Variants in IL1RAPL1 observed in about 807,000 individuals in gnomAD.
The protein encoded by IL1RAPL1 is interleukin 1 receptor accessory protein like 1.
IL1RAPL1 carries 3 observed loss-of-function variants against 48.4 expected under a neutral mutation model. The ratio of observed to expected loss-of-function variants is 0.06; its 90% CI spans 0.03 to 0.16. The LOEUF (loss-of-function observed/expected upper bound fraction) is 0.16, where lower values mean the gene tolerates loss of function less well. Ranked by LOEUF, IL1RAPL1 falls within the 10% of genes least tolerant of loss-of-function variation. The pLI, the probability that IL1RAPL1 is intolerant of heterozygous loss-of-function variation, is 1.00. For synonymous variants in IL1RAPL1, 185 were observed against 187.7 expected (o/e 0.99, Z 0.12); for missense variants, 349 against 530.6 (o/e 0.66, Z 3.36).
chrX:29,250,835 A>G (rs1931592722), intron 2 of IL1RAPL1, among the ~76,000 whole-genome samples: 2 of 111,672 alleles, frequency 1.8e-5, no homozygotes, highest in African/African-American at 6.5e-5. Flanking sequence ...GTAGGACTCC[A>G]AAATTTCCCA....
chrX:29,675,103 G>A (rs1926242428), intron 6 of IL1RAPL1, among the ~76,000 whole-genome samples: 1 of 112,296 alleles, frequency 8.9e-6, no homozygotes, highest in Non-Finnish European at 1.9e-5. Context: ...GGATTGCTGG[G>A]TCAAATGGTA....
intron 2 of IL1RAPL1, among the ~76,000 whole-genome samples, chrX:29,003,962 C>A (rs1013698030): frequency 9.0e-6 from 1 of 111,471 alleles, no homozygotes; most frequent in African/African-American, 3.3e-5. Flanking sequence ...GCCAACATGG[C>A]AGAACCCCGT....
chrX:29,153,483 A>G (rs991175262), intron 2 of IL1RAPL1, among the ~76,000 whole-genome samples: 8 of 111,857 alleles, frequency 7.2e-5, no homozygotes, highest in African/African-American at 2.6e-4. Context: ...AATATTCAAG[A>G]TGTAGTACAG....
intron 5 of IL1RAPL1, among the ~76,000 whole-genome samples, chrX:29,544,133 T>C (rs1422687607): frequency 9.0e-6 from 1 of 111,670 alleles, no homozygotes; most frequent in Non-Finnish European, 1.9e-5. Flanking sequence ...CACCCAGCCC[T>C]TTGTTTCCTC....
At chrX:28,782,720 G>A (rs996299058) in intron 1 of IL1RAPL1, among the ~76,000 whole-genome samples, 14 of 111,839 alleles carry the variant, frequency 1.3e-4, no homozygotes, top group Non-Finnish European at 2.1e-4. Context: ...CATTTTTGGA[G>A]TTTATACTTT....
chrX:29,257,276 A>G (rs1440573017), intron 2 of IL1RAPL1, among the ~76,000 whole-genome samples: 1 of 110,975 alleles, frequency 9.0e-6, no homozygotes, highest in Non-Finnish European at 1.9e-5. Context: ...TTTTTTTGCC[A>G]AGTTTGCCCT....
At chrX:29,004,724 A>G (rs1039300751) in intron 2 of IL1RAPL1, among the ~76,000 whole-genome samples, 1 of 111,761 alleles carries the variant, frequency 8.9e-6, no homozygotes, top group Non-Finnish European at 1.9e-5. Context: ...AGCCAGGCAC[A>G]GTGTCTCACA....
At chrX:28,796,134 G>T (rs1262162545) in intron 2 of IL1RAPL1, among the ~76,000 whole-genome samples, 1 of 111,648 alleles carries the variant, frequency 9.0e-6, no homozygotes, top group African/African-American at 3.3e-5. Context: ...GTGCAGGAAA[G>T]GTCTGCCCCC....
intron 6 of IL1RAPL1, among the ~76,000 whole-genome samples, chrX:29,905,663 GA>G (rs1362494758): frequency 2.7e-5 from 3 of 110,275 alleles, no homozygotes; most frequent in Admixed American, 9.7e-5. Context: ...TCTTATATTT[GA>G]AAAAAAGGGG....
intron 2 of IL1RAPL1, among the ~76,000 whole-genome samples, chrX:29,168,537 G>A (rs1200720240): frequency 2.8e-5 from 2 of 71,645 alleles, no homozygotes; most frequent in Admixed American, 1.7e-4. Context: ...CTGTTTTATG[G>A]CTGAATAGTA....
chrX:28,756,230 T>A (rs1423751815), intron 1 of IL1RAPL1, among the ~76,000 whole-genome samples: 1 of 111,893 alleles, frequency 8.9e-6, no homozygotes, highest in African/African-American at 3.2e-5. Context: ...TTGTTCTGTT[T>A]CCTTTTGCTC....
chrX:29,696,917 A>G (rs1166429242), intron 6 of IL1RAPL1, among the ~76,000 whole-genome samples: 2 of 111,312 alleles, frequency 1.8e-5, no homozygotes, highest in African/African-American at 3.3e-5. Flanking sequence ...GTCCTCAAAA[A>G]CATAAAATGG....
chrX:29,317,083 G>C (rs746918852), intron 3 of IL1RAPL1, among the ~76,000 whole-genome samples: 1 of 111,281 alleles, frequency 9.0e-6, no homozygotes, highest in Non-Finnish European at 1.9e-5. Flanking sequence ...TTTATTTTTA[G>C]TTTACAGCAG....
chrX:28,948,883 A>C (rs1924375619), intron 2 of IL1RAPL1, among the ~76,000 whole-genome samples: 1 of 111,345 alleles, frequency 9.0e-6, no homozygotes, highest in African/African-American at 3.3e-5. Flanking sequence ...ATTAACAATA[A>C]TAGCTAATAA....
At chrX:29,905,956 T>A (rs1932604832) in intron 6 of IL1RAPL1, among the ~76,000 whole-genome samples, 1 of 110,970 alleles carries the variant, frequency 9.0e-6, no homozygotes, top group Admixed American at 9.6e-5. Flanking sequence ...GACAAAATTG[T>A]TTTTTTCCCC....
At chrX:29,066,644 A>G (rs1927456292) in intron 2 of IL1RAPL1, among the ~76,000 whole-genome samples, 1 of 111,589 alleles carries the variant, frequency 9.0e-6, no homozygotes, top group Non-Finnish European at 1.9e-5. Flanking sequence ...CCCTCAGCAT[A>G]GAACCTCTGC....
intron 2 of IL1RAPL1, chrX:28,982,999 T>C (rs1925379886): frequency 9.0e-6 from 1 of 111,452 alleles, no homozygotes; most frequent in Non-Finnish European, 1.9e-5. Context: ...TAGAGAGCAA[T>C]ACATTTTAGC....
intron 8 of IL1RAPL1, among the ~76,000 whole-genome samples, chrX:29,922,570 A>G (rs1356781283): frequency 1.8e-5 from 2 of 111,706 alleles, no homozygotes; most frequent in Non-Finnish European, 3.8e-5. Flanking sequence ...GGGACTCATG[A>G]TTATATGGAA....
At chrX:29,008,151 A>C (rs1421316828) in intron 2 of IL1RAPL1, among the ~76,000 whole-genome samples, 1 of 109,039 alleles carries the variant, frequency 9.2e-6, no homozygotes, top group Non-Finnish European at 1.9e-5. Context: ...ACAGGTGTGC[A>C]GCACCAGGCC....
Sources: gnomAD v4.1 joint callset for allele counts (sites outside exome capture counted in the v4.1 genomes callset) on GRCh38, gnomAD v4.1.1 for gene constraint, MANE v1.5 for transcripts, NCBI Gene and HGNC (gene_info 2026-07-23, HGNC 2026-07-21) for gene names.